Variants in OSBPL9 observed in about 807,000 individuals in gnomAD.
OSBPL9 encodes oxysterol binding protein like 9.
In OSBPL9, 40 loss-of-function variants were observed where a neutral mutation model predicts 106.6. The observed-to-expected ratio is 0.38, with a 90% CI of 0.29 to 0.49. OSBPL9 has a LOEUF of 0.49. Among genes scored for constraint, OSBPL9 ranks in the 20% least tolerant of loss-of-function variants. The pLI is 0.97. For missense variants in OSBPL9, 609 were observed against 887.2 expected, an observed-to-expected ratio of 0.69 and a Z score of 3.98; for synonymous variants, 269 against 295.4, an observed-to-expected ratio of 0.91 and a Z score of 0.92.
At chr1:51,617,342 G>C in intron 1 of OSBPL9, 121 bp downstream of exon 1, 1 of 1,003,226 alleles carries the variant, frequency 1.0e-6, no homozygotes, top group Non-Finnish European at 1.4e-6. Context: ...CGCCGTACGC[G>C]AGGGTTCCCT....
chr1:51,534,621 G>A, the OSBPL9 span, among the ~76,000 whole-genome samples: 8 of 152,298 alleles, frequency 5.3e-5, no homozygotes, highest in South Asian at 1.7e-3. Flanking sequence ...CCAGGGAGAG[G>A]AAGCCACAAG....
intron 3 of OSBPL9, among the ~76,000 whole-genome samples, chr1:51,683,593 G>A (rs1653092971): frequency 6.7e-6 from 1 of 149,618 alleles, no homozygotes; most frequent in African/African-American, 2.4e-5. Context: ...AGCAGTTCGA[G>A]ACCAGCCTGG....
chr1:51,530,450 C>G, the OSBPL9 span, among the ~76,000 whole-genome samples: 11 of 151,884 alleles, frequency 7.2e-5, no homozygotes, highest in East Asian at 2.1e-3. Flanking sequence ...CCTTACAACT[C>G]AACAAGAAAA....
chr1:51,583,485 A>G (rs1645232024), intron 1 of OSBPL9: 1 of 152,198 alleles, frequency 6.6e-6, no homozygotes, highest in Non-Finnish European at 1.5e-5. Flanking sequence ...CAGAATCAGG[A>G]CTTGAAGTAT....
At chr1:51,577,477 G>T (rs779807537) in intron 1 of OSBPL9, among the ~76,000 whole-genome samples, 7 of 151,888 alleles carry the variant, frequency 4.6e-5, no homozygotes, top group Non-Finnish European at 8.8e-5. Flanking sequence ...GTTTCATCGT[G>T]TTAGCCAGGA....
chr1:51,530,197 A>AAAC, the OSBPL9 span, among the ~76,000 whole-genome samples: 1 of 140,014 alleles, frequency 7.1e-6, no homozygotes, highest in Non-Finnish European at 1.5e-5. Flanking sequence ...AAAAAACAAA[A>AAAC]AAAAAAAACC....
chr1:51,528,089 A>G, the OSBPL9 span, among the ~76,000 whole-genome samples: 1 of 152,024 alleles, frequency 6.6e-6, no homozygotes, highest in Non-Finnish European at 1.5e-5. Context: ...ACACCACTGA[A>G]CTCTAGCCTG....
intron 2 of OSBPL9, among the ~76,000 whole-genome samples, chr1:51,659,046 T>G (rs894161843): frequency 6.6e-6 from 1 of 152,124 alleles, no homozygotes; most frequent in Non-Finnish European, 1.5e-5. Context: ...ATTTTATGAA[T>G]GTTTATACTA....
chr1:51,784,754 A>G (rs1454191446), intron 20 of OSBPL9, 172 bp downstream of exon 20: 1 of 755,550 alleles, frequency 1.3e-6, no homozygotes, highest in South Asian at 1.9e-5. Flanking sequence ...AAGAAGACCT[A>G]AAACATATAT....
chr1:51,552,002 TA>T, the OSBPL9 span, among the ~76,000 whole-genome samples: 20 of 151,662 alleles, frequency 1.3e-4, no homozygotes, highest in Non-Finnish European at 1.9e-4. Flanking sequence ...TGTGTGTGTT[TA>T]GTTTGTTCGT....
At chr1:51,588,437 T>C (rs7523959) in intron 1 of OSBPL9, among the ~76,000 whole-genome samples, 10,233 of 151,836 alleles carry the variant, frequency 0.067, 817 homozygotes, top group African/African-American at 0.19. Context: ...AGCAGGAGAA[T>C]TGCTTGAGCC....
the OSBPL9 span, chr1:51,519,151 G>A: frequency 7.4e-7 from 1 of 1,358,452 alleles, no homozygotes. Flanking sequence ...GGCGGTGGGG[G>A]AGGGGGCACC....
intron 2 of OSBPL9, among the ~76,000 whole-genome samples, chr1:51,665,783 C>T (rs2148749616): frequency 6.6e-6 from 1 of 152,170 alleles, no homozygotes; most frequent in East Asian, 1.9e-4. Flanking sequence ...ATGTTTTTTT[C>T]CATATAGACT....
chr1:51,776,889 CT>C lies in OSBPL9; in HGVS notation c.1233del (p.Phe411LeufsTer8). The stretch of plus-strand genomic sequence containing the variant: ...GATCTCTTTTAGAAATGTATGCAGA[CT>C]TTTTTGCACATCCGGACCTGTTTGT... ...RRSLLEMYAD[F>X]FAHPDLFVSI... On this transcript the variant is annotated frameshift_variant, in exon 15 of 24. Transcript: ENST00000428468. LOFTEE classifies it high-confidence loss of function. 2 of 1,612,144 alleles carry C rather than the reference CT, an allele frequency of 1.2e-6. No individual in the cohort carries two copies. The highest frequency in any genetic ancestry group is 1.7e-6 in the Non-Finnish European group (2 of 1,178,608).
At chr1:51,760,351 A>G in intron 9 of OSBPL9, 1 of 232,718 alleles carries the variant, frequency 4.3e-6, no homozygotes. Flanking sequence ...CAGAGAAACA[A>G]TATTTGTGGT....
chr1:51,588,758 G>T (rs1396895557), intron 1 of OSBPL9, among the ~76,000 whole-genome samples: 2 of 152,224 alleles, frequency 1.3e-5, no homozygotes, highest in African/African-American at 4.8e-5. Flanking sequence ...TAACCAGGAA[G>T]GGTTTGCCTT....
the OSBPL9 span, among the ~76,000 whole-genome samples, chr1:51,549,418 C>T: frequency 6.6e-6 from 1 of 152,198 alleles, no homozygotes; most frequent in East Asian, 1.9e-4. Flanking sequence ...TACTGAGCAC[C>T]TACTATGTTC....
chr1:51,772,050 G>C lies in OSBPL9; in HGVS notation c.939-20G>C, dbSNP rs755728151. The stretch of plus-strand genomic sequence containing the variant: ...AAATTGCTTTCTTTAGCTTAAATAA[G>C]GTAATTAATGTTTTTATAGTTCTTC... On this transcript the variant is annotated intron_variant, in intron 12 of 23. Transcript: ENST00000428468. The C allele has an allele frequency of 1.9e-6, 3 of 1,580,378 alleles. No homozygotes were observed. Among genetic ancestry groups the C allele is most frequent in the Admixed American group, 1.7e-5 (1 of 57,760 alleles).
chr1:51,615,271 AAAACAAAAC>A (rs757743033), upstream of OSBPL9, among the ~76,000 whole-genome samples: 40 of 152,244 alleles, frequency 2.6e-4, no homozygotes, highest in Non-Finnish European at 1.2e-4. Flanking sequence ...AAAACAAAAC[AAAACAAAAC>A]AAACAAAAAA....
Sources: allele counts gnomAD v4.1 joint callset (sites outside exome capture counted in the v4.1 genomes callset), GRCh38; gene constraint gnomAD v4.1.1; transcripts MANE v1.5; gene names NCBI Gene and HGNC (gene_info 2026-07-23, HGNC 2026-07-21).